Variants in CCDC3 observed in about 807,000 individuals in gnomAD.
CCDC3 encodes coiled-coil domain containing 3, also known as coiled-coil domain-containing protein 3.
A neutral mutation model predicts 21.4 loss-of-function variants in CCDC3; 24 were observed. The observed-to-expected ratio is 1.12, with a 90% CI of 0.81 to 1.58. The LOEUF (loss-of-function observed/expected upper bound fraction) is 1.58, where lower values mean the gene tolerates loss of function less well. Among genes scored for constraint, CCDC3 ranks in the 40% most tolerant of loss-of-function variants. The probability of loss-of-function intolerance (pLI) is 0.00; values close to 1 mark genes in which losing one functional copy is unlikely to be tolerated. For synonymous variants in CCDC3, 186 were observed against 166.0 expected (o/e 1.12, Z -0.93); for missense variants, 425 against 360.9 (o/e 1.18, Z -1.44).
intron 4 of CCDC3, chr10:13,058,588 T>A: frequency 3.0e-6 from 2 of 669,418 alleles, no homozygotes; most frequent in South Asian, 1.6e-5. Context: ...CTGGGCATAG[T>A]AATCCGTTTT....
chr10:12,904,892 A>G (rs1459797591), intron 2 of CCDC3, among the ~76,000 whole-genome samples: 6 of 152,160 alleles, frequency 3.9e-5, no homozygotes, highest in Non-Finnish European at 8.8e-5. Flanking sequence ...AGTCCCCCCC[A>G]GTTATTCTGG....
chr10:13,094,306 T>G (rs1273797667), intron 3 of CCDC3, among the ~76,000 whole-genome samples: 1 of 151,876 alleles, frequency 6.6e-6, no homozygotes, highest in Non-Finnish European at 1.5e-5. Context: ...TCACCCAGGC[T>G]GGAGTGCAAT....
intron 5 of CCDC3, among the ~76,000 whole-genome samples, chr10:13,042,200 C>G (rs947122040): frequency 2.0e-5 from 3 of 152,242 alleles, no homozygotes; most frequent in African/African-American, 7.2e-5. Flanking sequence ...ATTTCTTCAC[C>G]TATCACAGCA....
At chr10:12,930,249 T>C (rs747876067) in intron 2 of CCDC3, among the ~76,000 whole-genome samples, 5 of 151,490 alleles carry the variant, frequency 3.3e-5, no homozygotes, top group Non-Finnish European at 7.4e-5. Context: ...TGATGTAATA[T>C]TTTTACATTT....
At chr10:12,911,561 TTTAAA>T (rs61345512) in intron 2 of CCDC3, among the ~76,000 whole-genome samples, 37,462 of 151,972 alleles carry the variant, frequency 0.25, 5,201 homozygotes, top group Admixed American at 0.36. Flanking sequence ...TTTAAAAATA[TTTAAA>T]TTGACAAAAT....
chr10:13,048,597 A>C (rs1417402065), intron 5 of CCDC3, among the ~76,000 whole-genome samples: 1 of 151,968 alleles, frequency 6.6e-6, no homozygotes, highest in Non-Finnish European at 1.5e-5. Flanking sequence ...TTAGATGGAG[A>C]CTCTCATATA....
At chr10:12,919,586 T>TTAA (rs368084819) in intron 2 of CCDC3, among the ~76,000 whole-genome samples, 1 of 130,938 alleles carries the variant, frequency 7.6e-6, no homozygotes, top group Non-Finnish European at 1.6e-5. Context: ...CAAGACTGTC[T>TTAA]AAAAAAAAAA....
chr10:13,093,846 C>T (rs663342), intron 3 of CCDC3, among the ~76,000 whole-genome samples: 147,851 of 152,312 alleles, frequency 0.97, 71,934 homozygotes, highest in East Asian at 1. Context: ...TCCAAAGAAG[C>T]TAAAACTATG....
At chr10:12,916,841 G>T (rs1329649485) in intron 2 of CCDC3, among the ~76,000 whole-genome samples, 1 of 152,214 alleles carries the variant, frequency 6.6e-6, no homozygotes. Flanking sequence ...GGCCTGTCTG[G>T]TGCTGGGGTG....
In CCDC3 at chr10:13,001,702, G is replaced by T. The variant is rs1002886083; in HGVS notation, c.-132C>A. ...CTGAGCGCACCGCTGTCTCCGCCAC[G>T]GGGCTCGGCATGCCCGGCCCTGGCG... On this transcript the variant is annotated 5_prime_UTR_variant, in exon 1 of 3. Coordinates refer to ENST00000378825, the MANE Select transcript of CCDC3 (RefSeq NM_031455.4). The T allele has an allele frequency of 7.1e-6, 4 of 561,924 alleles. No individual in the cohort carries two copies. Among genetic ancestry groups the T allele is most frequent in the African/African-American group, 4.1e-5 (2 of 49,290 alleles). 34.8% of individuals were successfully genotyped at this position (561,924 alleles called of 1,614,324 possible). A position where few individuals can be genotyped will look rare whatever the true frequency, so the allele number is the denominator to read the frequency against.
chr10:13,001,588 C>T lies in CCDC3; in HGVS notation c.-18G>A. 1.7e-6 allele frequency: 2 copies of T among 1,180,404 alleles called. No individual in the cohort carries two copies. The highest frequency in any genetic ancestry group is 7.5e-5 in the East Asian group (2 of 26,806). The allele number at this position is 1,180,404 out of a possible 1,614,324, so 73.1% of individuals were successfully genotyped here. A position where few individuals can be genotyped will look rare whatever the true frequency, so the allele number is the denominator to read the frequency against. ...CGCAGCATGCCGGGCCCTCCCGGGG[C>T]GCACGGGGCGGCGGCGGGGAGCCCG... On this transcript the variant is annotated 5_prime_UTR_variant, in exon 1 of 3. Coordinates refer to ENST00000378825, the MANE Select transcript of CCDC3 (RefSeq NM_031455.4).
At chr10:12,925,661 C>G (rs550398027) in intron 2 of CCDC3, among the ~76,000 whole-genome samples, 29 of 152,330 alleles carry the variant, frequency 1.9e-4, no homozygotes, top group African/African-American at 5.3e-4. Context: ...AGAATAAACT[C>G]TTCTCTTCTT....
At chr10:13,017,516 C>CAAAAAAA (rs60969932) in intron 5 of CCDC3, among the ~76,000 whole-genome samples, 11 of 111,324 alleles carry the variant, frequency 9.9e-5, no homozygotes, top group Middle Eastern at 9.8e-3. Flanking sequence ...GACTCCATCT[C>CAAAAAAA]AAAAAAAAAA....
At chr10:13,029,003 G>C (rs1836262970) in intron 5 of CCDC3, among the ~76,000 whole-genome samples, 1 of 152,206 alleles carries the variant, frequency 6.6e-6, no homozygotes, top group Non-Finnish European at 1.5e-5. Flanking sequence ...CTGACAGTGT[G>C]TGAAAATTCC....
In CCDC3 at chr10:13,058,449, C is replaced by T. The variant is rs370438372; in HGVS notation, c.-269-8508G>A. On this transcript the variant is annotated intron_variant, in intron 4 of 6. Transcript: ENST00000378839. The stretch of plus-strand genomic sequence containing the variant: ...TTTGGCAGTTCGTGTGCATATGCTG[C>T]GCAGACTATCATATCCCCCTCAATA... 9.7e-5 allele frequency: 74 copies of T among 759,392 alleles called. 1 individual carries two copies. Among genetic ancestry groups the T allele is most frequent in the African/African-American group, 5.1e-4 (30 of 59,106 alleles). 47.0% of individuals were successfully genotyped at this position (759,392 alleles called of 1,614,324 possible).
intron 2 of CCDC3, among the ~76,000 whole-genome samples, chr10:12,920,516 T>A (rs1834434402): frequency 6.6e-6 from 1 of 152,216 alleles, no homozygotes; most frequent in Non-Finnish European, 1.5e-5. Context: ...GAGGACTTTA[T>A]CTTCACTTCA....
chr10:12,998,538 T>C (rs1331088450), intron 1 of CCDC3, 26 bp from the exon 2 acceptor site: 7 of 1,609,886 alleles, frequency 4.3e-6, no homozygotes, highest in South Asian at 2.2e-5. Context: ...AAGGCAGACA[T>C]GTAGGCTAGA....
intron 2 of CCDC3, 83 bp from the exon 3 acceptor site, chr10:12,898,762 G>C: frequency 6.7e-7 from 1 of 1,501,752 alleles, no homozygotes; most frequent in Non-Finnish European, 9.0e-7. Context: ...AAGCTTCCCC[G>C]AGTGCTGACA....
At chr10:12,974,062 G>C (rs570095952) in intron 2 of CCDC3, among the ~76,000 whole-genome samples, 129 of 152,334 alleles carry the variant, frequency 8.5e-4, no homozygotes, top group Middle Eastern at 3.4e-3. Context: ...GAAAGGCCTA[G>C]AGGTTCCAGA....
Sources: allele counts gnomAD v4.1 joint callset (sites outside exome capture counted in the v4.1 genomes callset), GRCh38; gene constraint gnomAD v4.1.1; transcripts MANE v1.5; gene names NCBI Gene and HGNC (gene_info 2026-07-23, HGNC 2026-07-21).